PABPC1L: variants seen among roughly 807,000 people sequenced by gnomAD.
PABPC1L encodes the protein polyadenylate-binding protein 1-like.
A neutral mutation model predicts 66.6 loss-of-function variants in PABPC1L; 31 were observed. The ratio of observed to expected loss-of-function variants is 0.47; its 90% confidence interval spans 0.35 to 0.63. The LOEUF (loss-of-function observed/expected upper bound fraction) is 0.63. PABPC1L is among the 20% of genes least tolerant of loss of function. The pLI is 0.00. For missense variants in PABPC1L, 722 were observed against 848.8 expected, an observed-to-expected ratio of 0.85 and a Z score of 1.86; for synonymous variants, 348 against 335.1, an observed-to-expected ratio of 1.04 and a Z score of -0.42.
At chr20:44,911,002 C>T (rs1463686948) in intron 1 of PABPC1L, among the ~76,000 whole-genome samples, 1 of 152,190 alleles carries the variant, frequency 6.6e-6, no homozygotes, top group African/African-American at 2.4e-5. Flanking sequence ...CAAGCCTTCA[C>T]GCTCTGCACC....
chr20:44,930,794 T>G (rs1215056002), intron 8 of PABPC1L, 68 bp downstream of exon 8: 1 of 1,552,666 alleles, frequency 6.4e-7, no homozygotes, highest in Admixed American at 1.9e-5. Flanking sequence ...GCATGAAGAC[T>G]AGAGTTCTAG....
chr20:44,910,390 C>G, intron 1 of PABPC1L, 54 bp downstream of exon 1: 1 of 1,437,418 alleles, frequency 7.0e-7, no homozygotes. Context: ...AGCAGGCGGA[C>G]AGACAGAAGC....
At chr20:44,933,029 T>G (rs1013371004) in intron 9 of PABPC1L, 28 bp from the exon 10 acceptor site, 1 of 1,493,484 alleles carries the variant, frequency 6.7e-7, no homozygotes, top group Non-Finnish European at 9.1e-7. Flanking sequence ...ATCCAACTTT[T>G]CTCTCTCTGT....
In PABPC1L at chr20:44,937,596, T is replaced by G. The variant is rs999699307; in HGVS notation, c.1661-465T>G. Among the ~76,000 whole-genome samples the G allele has an allele frequency of 3.3e-5, 5 of 152,026 alleles. No homozygotes were observed. The East Asian group carries it at 9.7e-4, about 29-fold the overall frequency. On this transcript the variant is annotated intron_variant, in intron 12 of 14. Coordinates refer to ENST00000217073, the MANE Select transcript of PABPC1L (RefSeq NM_001372179.1). ...TGACCAGCTAAGTTTTGTATTTTTA[T>G]TAGAGATGGGGTTTCACCATGTTGG...
rs778742819 is a variant in PABPC1L at position 44,912,933 on chromosome 20, A to G, written c.387+80A>G. ...GTAGAGGGGTGACAAGCAACACCTC[A>G]CTTTACAGTTTACAAGGTCCTTTCA... On this transcript the variant is annotated intron_variant, in intron 2 of 14. Transcript: ENST00000217073. The G allele has an allele frequency of 5.3e-5, 71 of 1,337,176 alleles. 1 individual carries two copies. Among genetic ancestry groups the G allele is most frequent in the Non-Finnish European group, 7.3e-5 (70 of 964,096 alleles). The allele number at this position is 1,337,176 out of a possible 1,614,324, so 82.8% of individuals were successfully genotyped here. A position where few individuals can be genotyped will look rare whatever the true frequency, so the allele number is the denominator to read the frequency against.
At chr20:44,921,933 A>G (rs2066777202) in intron 6 of PABPC1L, among the ~76,000 whole-genome samples, 1 of 152,182 alleles carries the variant, frequency 6.6e-6, no homozygotes, top group Non-Finnish European at 1.5e-5. Flanking sequence ...CAACCATCAT[A>G]GGGGTTAGTA....
intron 6 of PABPC1L, among the ~76,000 whole-genome samples, chr20:44,923,864 G>A (rs991301387): frequency 1.3e-5 from 2 of 152,160 alleles, no homozygotes; most frequent in Admixed American, 6.5e-5. Context: ...AGCCTGCCAC[G>A]GGACCTGGGA....
rs199787074 is a variant in PABPC1L at position 44,938,679 on chromosome 20, C to A, written c.1797C>A (p.Asp599Glu). The change falls in exon 14 of 15, where the codon GAC becomes GAA. Residue 599 changes from aspartate (D) to glutamate (E), a missense_variant. Coordinates refer to ENST00000217073, the MANE Select transcript of PABPC1L (RefSeq NM_001372179.1). ...ESPESLHAKI[D>E]EAVAVLQAHQ... Reference sequence around the variant, plus strand: ...CCGCCACTCATGTCTCACAGATAGACGAGGCAGTGGCCGTGCTGCAGGCAC... The same window carrying A: ...CCGCCACTCATGTCTCACAGATAGAAGAGGCAGTGGCCGTGCTGCAGGCAC... 407 of 1,608,760 alleles carry A rather than the reference C, an allele frequency of 2.5e-4. 2 individuals carry two copies. The highest frequency in any genetic ancestry group is 9.9e-5 in the Non-Finnish European group (117 of 1,177,774).
intron 1 of PABPC1L, among the ~76,000 whole-genome samples, 154 bp downstream of exon 1, chr20:44,910,490 C>G (rs2066696905): frequency 6.6e-6 from 1 of 152,006 alleles, no homozygotes; most frequent in Admixed American, 6.5e-5. Flanking sequence ...GAGGCCTGGC[C>G]CCTGAGACGG....
At chr20:44,938,796 G>C in intron 14 of PABPC1L, 48 bp downstream of exon 14, 1 of 1,559,150 alleles carries the variant, frequency 6.4e-7, no homozygotes, top group East Asian at 2.3e-5. Flanking sequence ...GAAGCTGTAA[G>C]GAAATAGGCA....
At position 44,919,064 on chromosome 20, in the gene PABPC1L, G is replaced by A; in HGVS notation, c.643+19G>A. The A allele has an allele frequency of 6.2e-7, 1 of 1,610,758 alleles. No individual in the cohort carries two copies. Among genetic ancestry groups the A allele is most frequent in the Non-Finnish European group, 8.5e-7 (1 of 1,177,866 alleles). On this transcript the variant is annotated intron_variant, in intron 4 of 14. Transcript: ENST00000217073. ...CAGTTTGGTGGGTGTGTCCCCAAGGGAGCGGGGGGATCACTGTTTTTCCTC... is the reference window on the plus strand; with the variant it reads ...CAGTTTGGTGGGTGTGTCCCCAAGGAAGCGGGGGGATCACTGTTTTTCCTC...
At position 44,912,694 on chromosome 20, in the gene PABPC1L, G is replaced by A; in HGVS notation, c.228G>A (p.Met76Ile). ...CACTGGACACAATGAACTTTGAGAT[G>A]CTCAAAGGCCAGCCTATTCGCATCA... ...ERALDTMNFE[M>I]LKGQPIRIMW... Residue 76 changes from methionine to isoleucine, a missense_variant, in exon 2 of 15, where the codon ATG (methionine) becomes ATA (isoleucine). Transcript: ENST00000217073. 1 of 1,613,974 alleles carries A rather than the reference G, an allele frequency of 6.2e-7. No homozygotes were observed. The highest frequency in any genetic ancestry group is 1.7e-5 in the Admixed American group (1 of 60,028).
chr20:44,913,691 G>A (rs1403628129), intron 2 of PABPC1L, among the ~76,000 whole-genome samples: 5 of 152,014 alleles, frequency 3.3e-5, no homozygotes, highest in Admixed American at 6.6e-5. Flanking sequence ...ATGAGCCACC[G>A]CACCTGGCCT....
chr20:44,921,955 G>T (rs1177026849), intron 6 of PABPC1L, among the ~76,000 whole-genome samples: 1 of 152,122 alleles, frequency 6.6e-6, no homozygotes, highest in African/African-American at 2.4e-5. Context: ...GGGTGCTGGG[G>T]ACCTTTTGGT....
rs1407982057 is a variant in PABPC1L, at chr20:44,918,921, C to G, written c.519C>G (p.Phe173Leu). The change falls in exon 4 of 15, where the codon TTC (phenylalanine) becomes TTG (leucine). Residue 173 changes from phenylalanine (F) to leucine (L), a missense_variant. Phe to Leu is a conservative substitution (Grantham distance 22). Transcript: ENST00000217073. ...LNDRKVFVGH[F>L]KSRREREAEL... Reference sequence around the variant, plus strand: ...ATGTCCACAGCTTTGTGGGTCACTTCAAGTCTCGACGGGAGCGGGAGGCGG... The same window carrying G: ...ATGTCCACAGCTTTGTGGGTCACTTGAAGTCTCGACGGGAGCGGGAGGCGG... 3.1e-6 allele frequency: 5 copies of G among 1,595,706 alleles called. No homozygotes were observed. In the African/African-American group the frequency reaches 4.0e-5, roughly 13 times the overall value.
intron 1 of PABPC1L, among the ~76,000 whole-genome samples, chr20:44,912,320 G>A (rs1202393127): frequency 6.6e-6 from 1 of 152,166 alleles, no homozygotes; most frequent in African/African-American, 2.4e-5. Context: ...ATCCAGAATA[G>A]ACCTGACGCT....
At chr20:44,921,274 G>A (rs11698130) in intron 5 of PABPC1L, among the ~76,000 whole-genome samples, 34,163 of 150,662 alleles carry the variant, frequency 0.23, 4,166 homozygotes, top group Admixed American at 0.31. Flanking sequence ...TCAGCCTCCC[G>A]AGTAGCTGGG....
rs550388406 is a variant in PABPC1L at position 44,922,829 on chromosome 20, G to T, written c.876+1098G>T. Among the ~76,000 whole-genome samples the T allele has an allele frequency of 7.9e-5, 12 of 152,302 alleles. No homozygotes were observed. In the South Asian group the frequency reaches 2.5e-3, roughly 32 times the overall value. The stretch of plus-strand genomic sequence containing the variant: ...GGCAATGTCTAGAATTTTCATTGTC[G>T]TGTGGGTGGTGGGGTGCTACTGTCA... On this transcript the variant is annotated intron_variant, in intron 6 of 14. Coordinates refer to ENST00000217073, the MANE Select transcript of PABPC1L (RefSeq NM_001372179.1).
chr20:44,916,950 C>G, intron 3 of PABPC1L, 79 bp downstream of exon 3: 1 of 1,372,040 alleles, frequency 7.3e-7, no homozygotes, highest in Non-Finnish European at 1.0e-6. Flanking sequence ...TCGATGCTAC[C>G]CTCAAGCTGC....
Sources: allele counts gnomAD v4.1 joint callset (sites outside exome capture counted in the v4.1 genomes callset), GRCh38; gene constraint gnomAD v4.1.1; transcripts MANE v1.5; gene names NCBI Gene and HGNC (gene_info 2026-07-23, HGNC 2026-07-21).